GSE1: variants seen among roughly 807,000 people sequenced by gnomAD.
The protein encoded by GSE1 is Gse1 coiled-coil protein, also known as genetic suppressor element 1.
Under a neutral mutation model 112.6 loss-of-function variants are expected in GSE1, and 32 were observed. The ratio of observed to expected loss-of-function variants is 0.28; its 90% confidence interval spans 0.21 to 0.38. The LOEUF (loss-of-function observed/expected upper bound fraction) is 0.38. Ranked by LOEUF, GSE1 falls within the 10% of genes least tolerant of loss-of-function variation. The pLI, the probability that GSE1 is intolerant of heterozygous loss-of-function variation, is 1.00. For synonymous variants in GSE1, 1,115 were observed against 735.6 expected (o/e 1.52, Z -8.35); for missense variants, 2,348 against 1,699.2 (o/e 1.38, Z -6.71).
At chr16:85,551,910 C>A (rs1218132187), upstream of GSE1, among the ~76,000 whole-genome samples, 1 of 152,226 alleles carries the variant, frequency 6.6e-6, no homozygotes, top group East Asian at 1.9e-4. Context: ...GCTGGCCCAC[C>A]GGCATGCCCA....
chr16:85,488,924 G>A (rs552221989), intron 2 of GSE1, among the ~76,000 whole-genome samples: 1 of 152,220 alleles, frequency 6.6e-6, no homozygotes, highest in African/African-American at 2.4e-5. Context: ...GATTTGGGAT[G>A]AGGGCCATCA....
intron 2 of GSE1, among the ~76,000 whole-genome samples, chr16:85,534,905 C>T (rs185843611): frequency 1.3e-5 from 2 of 152,340 alleles, no homozygotes; most frequent in East Asian, 3.9e-4. Flanking sequence ...TGCTTTGGGA[C>T]AGATGCTTGG....
intron 1 of GSE1, among the ~76,000 whole-genome samples, chr16:85,222,795 C>T: frequency 6.6e-6 from 1 of 152,168 alleles, no homozygotes; most frequent in East Asian, 1.9e-4. Flanking sequence ...GATTTTCTGT[C>T]TCACTGGTCT....
intron 1 of GSE1, among the ~76,000 whole-genome samples, chr16:85,336,591 C>G (rs1252024399): frequency 6.6e-6 from 1 of 151,700 alleles, no homozygotes; most frequent in African/African-American, 2.4e-5. Context: ...AGGACACACA[C>G]ATGCCCTCAC....
At chr16:85,477,120 GT>G (rs1049400796) in intron 2 of GSE1, among the ~76,000 whole-genome samples, 2 of 152,034 alleles carry the variant, frequency 1.3e-5, no homozygotes, top group African/African-American at 4.8e-5. Flanking sequence ...TAGAAACGGG[GT>G]TTCGCCATGT....
chr16:85,633,013 T>TGCCGCC (rs71153808), intron 1 of GSE1, among the ~76,000 whole-genome samples: 99,536 of 146,104 alleles, frequency 0.68, 34,288 homozygotes, highest in East Asian at 0.88. Flanking sequence ...AGACCTCTGG[T>TGCCGCC]GCCGCCGCCG....
chr16:85,314,275 C>T (rs1042937617), intron 1 of GSE1, among the ~76,000 whole-genome samples: 3 of 152,194 alleles, frequency 2.0e-5, no homozygotes, highest in African/African-American at 7.2e-5. Context: ...ACACACGTCT[C>T]GCCAAAATAG....
At chr16:85,534,648 C>T (rs372011320) in intron 2 of GSE1, among the ~76,000 whole-genome samples, 1 of 152,190 alleles carries the variant, frequency 6.6e-6, no homozygotes, top group East Asian at 1.9e-4. Context: ...GTCGTGTCCG[C>T]CTCTTGGCCG....
intron 1 of GSE1, among the ~76,000 whole-genome samples, chr16:85,282,795 T>C (rs1267211170): frequency 6.6e-6 from 1 of 152,258 alleles, no homozygotes; most frequent in Non-Finnish European, 1.5e-5. Flanking sequence ...TTTGCATAAT[T>C]CTGTGTTGTA....
intron 1 of GSE1, among the ~76,000 whole-genome samples, chr16:85,279,186 G>A (rs1411231674): frequency 6.6e-6 from 1 of 152,256 alleles, no homozygotes; most frequent in African/African-American, 2.4e-5. Flanking sequence ...AAATAGTGGG[G>A]AGGGGGGAGG....
intron 2 of GSE1, among the ~76,000 whole-genome samples, chr16:85,414,866 C>G (rs941410516): frequency 6.6e-6 from 1 of 152,140 alleles, no homozygotes; most frequent in South Asian, 2.1e-4. Context: ...GAACTCCTGA[C>G]CTCAGGCGAT....
chr16:85,632,293 T>C (rs1353281985), intron 1 of GSE1, among the ~76,000 whole-genome samples: 1 of 151,976 alleles, frequency 6.6e-6, no homozygotes, highest in Non-Finnish European at 1.5e-5. Context: ...AGGTGTGAGC[T>C]CTCACTGGGG....
chr16:85,283,316 G>A (rs1198948415), intron 1 of GSE1: 2 of 152,772 alleles, frequency 1.3e-5, no homozygotes, highest in African/African-American at 4.8e-5. Flanking sequence ...CGCCCCACGG[G>A]GCCCCTGTGG....
chr16:85,517,604 T>C (rs997039133), intron 2 of GSE1, among the ~76,000 whole-genome samples: 1 of 134,064 alleles, frequency 7.5e-6, no homozygotes, highest in Non-Finnish European at 1.6e-5. Context: ...CACGCTCCCC[T>C]CCCCCCGCCT....
intron 2 of GSE1, among the ~76,000 whole-genome samples, chr16:85,392,113 C>T (rs1410348726): frequency 6.6e-6 from 1 of 152,178 alleles, no homozygotes; most frequent in Non-Finnish European, 1.5e-5. Context: ...GATTCCCTCC[C>T]AGATCATCTC....
rs921220471 is a variant in GSE1, at chr16:85,288,757, T to G, written c.2284-68706T>G. 1.3e-4 allele frequency among the ~76,000 whole-genome samples: 20 copies of G among 152,000 alleles called. No individual in the cohort carries two copies. In the East Asian group the frequency reaches 1.7e-3, roughly 13 times the overall value. On this transcript the variant is annotated intron_variant, in intron 1 of 2. Coordinates refer to the GSE1 transcript ENST00000637419. ...GCATTTGTGCTGGGTCATTGGAATC[T>G]GGGGGTGGGGGGCATTTCAGCCCCA... is the stretch of plus-strand genomic sequence containing the variant.
chr16:85,283,392 C>CT (rs766554287), intron 1 of GSE1: 2 of 152,778 alleles, frequency 1.3e-5, no homozygotes, highest in Non-Finnish European at 2.9e-5. Flanking sequence ...CTTGGCTCTG[C>CT]TTGGCTTGCA....
At chr16:85,511,908 A>G (rs1421208880) in intron 2 of GSE1, among the ~76,000 whole-genome samples, 2 of 152,112 alleles carry the variant, frequency 1.3e-5, no homozygotes, top group Non-Finnish European at 2.9e-5. Flanking sequence ...CTGTGAGAGA[A>G]GCTATTCTGT....
intron 1 of GSE1, among the ~76,000 whole-genome samples, chr16:85,189,628 T>C (rs72797608): frequency 6.6e-6 from 1 of 152,390 alleles, no homozygotes; most frequent in Non-Finnish European, 1.5e-5. Flanking sequence ...CCTGTTCCAG[T>C]TGGTAATCTT....
Sources: gnomAD v4.1 joint callset for allele counts (sites outside exome capture counted in the v4.1 genomes callset) on GRCh38, gnomAD v4.1.1 for gene constraint, MANE v1.5 for transcripts, NCBI Gene and HGNC (gene_info 2026-07-23, HGNC 2026-07-21) for gene names.